ACTR10: variants seen among roughly 807,000 people sequenced by gnomAD.
ACTR10 encodes actin-related protein 10.
ACTR10 carries 43 observed loss-of-function variants against 56.2 expected under a neutral mutation model. That is an observed-to-expected ratio of 0.77 (90% CI 0.60 to 0.99). ACTR10 has a LOEUF of 0.99. ACTR10 is among the 50% of genes least tolerant of loss of function. The probability of loss-of-function intolerance (pLI) is 0.00; values close to 1 mark genes in which losing one functional copy is unlikely to be tolerated. For missense variants in ACTR10, 466 were observed against 507.8 expected (o/e 0.92, Z 0.79); for synonymous variants, 170 against 176.3 (o/e 0.96, Z 0.28).
chr14:58,207,881 T>A, intron 2 of ACTR10, 55 bp from the exon 3 acceptor site: 1 of 1,061,286 alleles, frequency 9.4e-7, no homozygotes. Flanking sequence ...ATTTTAATCT[T>A]AATTTGAGGT....
intron 5 of ACTR10, among the ~76,000 whole-genome samples, chr14:58,212,809 A>G (rs1566624875): frequency 6.6e-6 from 1 of 152,128 alleles, no homozygotes; most frequent in Non-Finnish European, 1.5e-5. Context: ...TATAATGTGG[A>G]CCATGTATGC....
chr14:58,233,329 A>G (rs539568743), intron 12 of ACTR10, among the ~76,000 whole-genome samples: 5 of 152,326 alleles, frequency 3.3e-5, no homozygotes, highest in African/African-American at 1.2e-4. Flanking sequence ...CCTAATAAGT[A>G]CAGTTGACCC....
At chr14:58,222,475 A>C (rs1324384556) in intron 8 of ACTR10, among the ~76,000 whole-genome samples, 1 of 152,152 alleles carries the variant, frequency 6.6e-6, no homozygotes, top group African/African-American at 2.4e-5. Flanking sequence ...AAAATTTGGC[A>C]TTGTACCAGC....
rs749204863 is a variant in ACTR10 at position 58,219,777 on chromosome 14, T to C, written c.634+48T>C. ...TCCCTTTCATCCTTAAGTGTTACTT[T>C]GGAGGGCATATGCTTCTAAACATTT... On this transcript the variant is annotated intron_variant, in intron 8 of 12. Coordinates refer to ENST00000254286, the MANE Select transcript of ACTR10 (RefSeq NM_018477.3). The C allele has an allele frequency of 1.3e-5, 16 of 1,251,596 alleles. No individual in the cohort carries two copies. In the East Asian group the frequency reaches 4.3e-4, roughly 33 times the overall value. 77.5% of individuals were successfully genotyped at this position (1,251,596 alleles called of 1,614,324 possible). A position where few individuals can be genotyped will look rare whatever the true frequency, so the allele number is the denominator to read the frequency against.
rs5808963 is a variant in ACTR10, at chr14:58,232,404, C to CTTTTTT, written c.1072+159_1072+164dup. The stretch of plus-strand genomic sequence containing the variant: ...TAAATAGAACTAACACTGACTTTTT[C>CTTTTTT]TTTTTTTTTTTTTTTTTTTTTTTTT... On this transcript the variant is annotated intron_variant, in intron 12 of 12. Transcript: ENST00000254286. 1.5e-3 allele frequency: 200 copies of CTTTTTT among 135,738 alleles called. 21 individuals are homozygous for CTTTTTT. The highest frequency in any genetic ancestry group is 7.5e-3 in the African/African-American group (150 of 20,126). The allele number at this position is 135,738 out of a possible 1,614,324, so 8.4% of individuals were successfully genotyped here.
intron 12 of ACTR10, among the ~76,000 whole-genome samples, chr14:58,232,484 C>T (rs764701694): frequency 3.1e-5 from 4 of 127,508 alleles, no homozygotes; most frequent in Non-Finnish European, 6.2e-5. Context: ...GGTGCGATCT[C>T]GGCTCACTGC....
In ACTR10 at chr14:58,215,221, C is replaced by A. The variant is rs772527940; in HGVS notation, c.535C>A (p.Leu179Ile). 6.3e-7 allele frequency: 1 copy of A among 1,598,290 alleles called. No individual in the cohort carries two copies. Among genetic ancestry groups the A allele is most frequent in the Admixed American group, 1.7e-5 (1 of 57,530 alleles). Reference protein sequence around the residue: ...KALHKELETQLLEQCTVDTSV... With the variant: ...KALHKELETQILEQCTVDTSV... Reference sequence around the variant, plus strand: ...TAATTTCAGAGAGTTGGAAACTCAACTATTGGAACAATGTACTGTTGACAC... The same window carrying A: ...TAATTTCAGAGAGTTGGAAACTCAAATATTGGAACAATGTACTGTTGACAC... The change falls in exon 7 of 13, where the codon CTA becomes ATA. Residue 179 changes from leucine (L) to isoleucine (I), a missense_variant. Transcript: ENST00000254286.
chr14:58,219,900 C>G (rs544675732), intron 8 of ACTR10, among the ~76,000 whole-genome samples, 171 bp downstream of exon 8: 1 of 151,988 alleles, frequency 6.6e-6, no homozygotes, highest in Non-Finnish European at 1.5e-5. Context: ...TTTTTTCACA[C>G]TTAGGGAAGC....
At chr14:58,203,801 A>G (rs558373043) in intron 2 of ACTR10, among the ~76,000 whole-genome samples, 20 of 152,362 alleles carry the variant, frequency 1.3e-4, no homozygotes, top group Non-Finnish European at 2.2e-4. Context: ...AGTAGAAAGA[A>G]TGATTTTGCA....
intron 2 of ACTR10, among the ~76,000 whole-genome samples, chr14:58,204,550 C>A (rs1025123517): frequency 6.6e-6 from 1 of 152,018 alleles, no homozygotes; most frequent in South Asian, 2.1e-4. Context: ...GACCCTGTCT[C>A]AAAAATAAAC....
intron 8 of ACTR10, 131 bp from the exon 9 acceptor site, chr14:58,223,491 G>T: frequency 1.3e-6 from 1 of 774,668 alleles, no homozygotes; most frequent in Non-Finnish European, 2.1e-6. Context: ...GATGGGAATA[G>T]AGTTTATAAA....
At chr14:58,201,285 T>C (rs1888698355) in intron 1 of ACTR10, among the ~76,000 whole-genome samples, 2 of 152,208 alleles carry the variant, frequency 1.3e-5, no homozygotes, top group Non-Finnish European at 1.5e-5. Context: ...CCCTTCCTTA[T>C]TTATATTTTC....
Position 58,208,980 on chromosome 14 carries a change from C to T in ACTR10, c.234-19C>T, listed in dbSNP as rs1888931045. On this transcript the variant is annotated intron_variant, in intron 3 of 12. Transcript: ENST00000254286. ...GAATAAAAACTTTTACTTTTAAAAC[C>T]AAAACTTTCACTTTTCAGGCATCTA... 1 of 1,567,416 alleles carries T rather than the reference C, an allele frequency of 6.4e-7. No individual in the cohort carries two copies. The highest frequency in any genetic ancestry group is 8.7e-7 in the Non-Finnish European group (1 of 1,149,638).
intron 1 of ACTR10, among the ~76,000 whole-genome samples, chr14:58,200,798 T>G (rs1888687032): frequency 6.6e-6 from 1 of 152,226 alleles, no homozygotes; most frequent in Non-Finnish European, 1.5e-5. Flanking sequence ...ACCCTATAGA[T>G]AAGATTCTGG....
Position 58,215,245 on chromosome 14 carries a change from A to T in ACTR10, c.559A>T (p.Thr187Ser). 1 of 1,611,600 alleles carries T rather than the reference A, an allele frequency of 6.2e-7. No homozygotes were observed. Among genetic ancestry groups the T allele is most frequent in the Non-Finnish European group, 8.5e-7 (1 of 1,178,868 alleles). ...ACTATTGGAACAATGTACTGTTGAC[A>T]CAAGTGTTGCTAAAGAACAGAGCCT... ...TQLLEQCTVDTSVAKEQSLPS... is the reference protein window; with the variant it reads ...TQLLEQCTVDSSVAKEQSLPS... The change falls in exon 7 of 13, where the codon ACA becomes TCA. Residue 187 changes from threonine to serine, a missense_variant. By Grantham distance (58) the Thr-to-Ser change is moderately conservative (BLOSUM62 1). Coordinates refer to ENST00000254286, the MANE Select transcript of ACTR10 (RefSeq NM_018477.3).
chr14:58,200,153 C>G lies in ACTR10; in HGVS notation c.-65C>G. On this transcript the variant is annotated 5_prime_UTR_variant, in exon 1 of 13. Transcript: ENST00000254286. ...GAGCGCCGGAGCCCCGGCCCCGCCC[C>G]GCGAGCGCCGAGACTTGTTGGCCGC... The G allele has an allele frequency of 1.6e-6, 2 of 1,256,896 alleles. No individual in the cohort carries two copies. The highest frequency in any genetic ancestry group is 2.0e-6 in the Non-Finnish European group (2 of 976,512). The allele number at this position is 1,256,896 out of a possible 1,614,324, so 77.9% of individuals were successfully genotyped here.
At chr14:58,227,472 A>G (rs559855592) in intron 10 of ACTR10, among the ~76,000 whole-genome samples, 5 of 152,260 alleles carry the variant, frequency 3.3e-5, no homozygotes, top group Non-Finnish European at 5.9e-5. Flanking sequence ...AAAGCTTTCA[A>G]CATTCATAGA....
At chr14:58,218,464 AAAGT>A (rs2140054235) in intron 7 of ACTR10, among the ~76,000 whole-genome samples, 1 of 152,302 alleles carries the variant, frequency 6.6e-6, no homozygotes, top group South Asian at 2.1e-4. Flanking sequence ...ATGAAACACA[AAAGT>A]AAGCCTTTGG....
chr14:58,205,146 G>A (rs1414087070), intron 2 of ACTR10, among the ~76,000 whole-genome samples: 1 of 151,660 alleles, frequency 6.6e-6, no homozygotes, highest in Non-Finnish European at 1.5e-5. Flanking sequence ...ACTTGAACCC[G>A]GGAGGTGGAG....
Sources: gnomAD v4.1 joint callset for allele counts (sites outside exome capture counted in the v4.1 genomes callset) on GRCh38, gnomAD v4.1.1 for gene constraint, MANE v1.5 for transcripts, NCBI Gene and HGNC (gene_info 2026-07-23, HGNC 2026-07-21) for gene names.